Variants in UNC5C observed in about 807,000 individuals in gnomAD.
The protein encoded by UNC5C is unc-5 netrin receptor C.
Under a neutral mutation model 99.8 loss-of-function variants are expected in UNC5C, and 47 were observed. That is an observed-to-expected ratio of 0.47 (90% CI 0.37 to 0.60). The LOEUF is 0.60. Ranked by LOEUF, UNC5C falls within the 20% of genes least tolerant of loss-of-function variation. The probability of loss-of-function intolerance (pLI) is 0.00; values close to 1 mark genes in which losing one functional copy is unlikely to be tolerated. For synonymous variants in UNC5C, 487 were observed against 452.2 expected (o/e 1.08, Z -0.98); for missense variants, 1,062 against 1,165.9 (o/e 0.91, Z 1.30).
intron 11 of UNC5C, among the ~76,000 whole-genome samples, chr4:95,205,489 T>C (rs1737843037): frequency 6.6e-6 from 1 of 152,164 alleles, no homozygotes; most frequent in South Asian, 2.1e-4. Context: ...ATCCCAGGGA[T>C]ACTCTGGTAC....
chr4:95,250,345 A>G, intron 5 of UNC5C, 142 bp downstream of exon 5: 2 of 848,938 alleles, frequency 2.4e-6, no homozygotes, highest in Non-Finnish European at 1.8e-6. Context: ...CGGTCATGCC[A>G]TTGCACGCCA....
chr4:95,422,612 G>A lies in UNC5C; in HGVS notation c.125-86981C>T, dbSNP rs141058040. On this transcript the variant is annotated intron_variant, in intron 1 of 15. Transcript: ENST00000453304. ...TGACAATTCTGCAACAACATCCGTCGCCTCAACCTTCTTAACTGACTTGTT... is the reference window on the plus strand; with the variant it reads ...TGACAATTCTGCAACAACATCCGTCACCTCAACCTTCTTAACTGACTTGTT... 4.0e-3 allele frequency among the ~76,000 whole-genome samples: 609 copies of A among 152,100 alleles called. 2 individuals are homozygous for A. The highest frequency in any genetic ancestry group is 0.013 in the African/African-American group (560 of 41,506).
chr4:95,358,444 T>C (rs930936977), intron 1 of UNC5C, among the ~76,000 whole-genome samples: 2 of 152,318 alleles, frequency 1.3e-5, no homozygotes, highest in South Asian at 2.1e-4. Context: ...ATATACCCAA[T>C]ATACTGAAGA....
intron 1 of UNC5C, among the ~76,000 whole-genome samples, chr4:95,380,443 ATTTTT>A (rs10560399): frequency 7.5e-6 from 1 of 132,920 alleles, no homozygotes; most frequent in Non-Finnish European, 1.6e-5. Flanking sequence ...CTTAAGAAAC[ATTTTT>A]TTTTTTTTTT....
chr4:95,203,570 A>G (rs1470669958), intron 11 of UNC5C, among the ~76,000 whole-genome samples: 2 of 152,086 alleles, frequency 1.3e-5, no homozygotes, highest in Non-Finnish European at 2.9e-5. Context: ...CCTAGGCCCA[A>G]GTGATCCCCC....
intron 1 of UNC5C, among the ~76,000 whole-genome samples, chr4:95,406,463 G>A (rs915164672): frequency 2.0e-5 from 3 of 152,120 alleles, no homozygotes; most frequent in Non-Finnish European, 2.9e-5. Flanking sequence ...GATTCCATTA[G>A]GTCCATCCCT....
intron 2 of UNC5C, among the ~76,000 whole-genome samples, chr4:95,317,086 C>T (rs1204531250): frequency 2.0e-5 from 3 of 151,898 alleles, no homozygotes; most frequent in African/African-American, 7.3e-5. Flanking sequence ...CATAAAGCAG[C>T]AGTTGGGACT....
At chr4:95,312,226 A>T (rs1742303112) in intron 2 of UNC5C, among the ~76,000 whole-genome samples, 1 of 152,180 alleles carries the variant, frequency 6.6e-6, no homozygotes, top group Admixed American at 6.5e-5. Context: ...GGCCACACTG[A>T]TGAAATGCTT....
At chr4:95,304,471 TTCTTA>T in intron 2 of UNC5C, among the ~76,000 whole-genome samples, 1 of 152,252 alleles carries the variant, frequency 6.6e-6, no homozygotes, top group East Asian at 1.9e-4. Flanking sequence ...GCCTCTCATT[TTCTTA>T]TCTTATTGTA....
intron 1 of UNC5C, among the ~76,000 whole-genome samples, chr4:95,375,668 A>G (rs888181981): frequency 1.3e-5 from 2 of 152,220 alleles, no homozygotes; most frequent in African/African-American, 4.8e-5. Context: ...GGCGAAACGC[A>G]ATATTCTTTA....
intron 9 of UNC5C, among the ~76,000 whole-genome samples, chr4:95,217,893 C>T (rs1738322040): frequency 1.3e-5 from 2 of 152,070 alleles, no homozygotes; most frequent in African/African-American, 4.8e-5. Context: ...GGGTGGAAAA[C>T]ATTATATAAT....
At chr4:95,354,479 A>ATATATATATATATATATATATC in intron 1 of UNC5C, among the ~76,000 whole-genome samples, 1 of 110,352 alleles carries the variant, frequency 9.1e-6, no homozygotes, top group Non-Finnish European at 1.8e-5. Context: ...ATATATATAT[A>ATATATATATATATATATATATC]TTTTTTTTTT....
intron 1 of UNC5C, among the ~76,000 whole-genome samples, chr4:95,519,459 C>A (rs1217336483): frequency 2.0e-5 from 3 of 152,014 alleles, no homozygotes; most frequent in African/African-American, 7.2e-5. Flanking sequence ...TTATTTATGA[C>A]CAACGGCCCA....
At chr4:95,197,205 G>A (rs956007922) in intron 12 of UNC5C, among the ~76,000 whole-genome samples, 1 of 149,140 alleles carries the variant, frequency 6.7e-6, no homozygotes, top group Admixed American at 6.8e-5. Flanking sequence ...AATAAAAAGT[G>A]ATAATTCACA....
At chr4:95,518,490 TTAAA>T in intron 1 of UNC5C, among the ~76,000 whole-genome samples, 1 of 152,324 alleles carries the variant, frequency 6.6e-6, no homozygotes, top group South Asian at 2.1e-4. Context: ...TAAATTGACT[TTAAA>T]TATGCATATT....
At chr4:95,527,537 G>A (rs1429572729) in intron 1 of UNC5C, among the ~76,000 whole-genome samples, 2 of 151,854 alleles carry the variant, frequency 1.3e-5, no homozygotes, top group South Asian at 2.1e-4. Context: ...TGGTCTTTAT[G>A]TTGCTATCAT....
At chr4:95,538,073 T>G (rs1722825683) in intron 1 of UNC5C, among the ~76,000 whole-genome samples, 1 of 152,220 alleles carries the variant, frequency 6.6e-6, no homozygotes, top group Admixed American at 6.5e-5. Flanking sequence ...CTTCTTGTTA[T>G]ATAGACTGTT....
At position 95,278,332 on chromosome 4, in the gene UNC5C, A is replaced by G. The variant is rs1390231155; in HGVS notation, c.521T>C (p.Leu174Pro). 1.2e-6 allele frequency: 2 copies of G among 1,613,988 alleles called. No individual in the cohort carries two copies. Among genetic ancestry groups the G allele is most frequent in the African/African-American group, 2.7e-5 (2 of 74,922 alleles). ...CTGTTCCAAAGACACTTCCTTTCCT[A>G]GGGGTTCCTGCTCAAATGTCTTCCG... ...YLRKTFEQEP[L>P]GKEVSLEQEV... is the part of the protein sequence containing the mutation. Residue 174 changes from leucine (L) to proline (P), a missense_variant, in exon 4 of 16, where the codon CTA becomes CCA. Transcript: ENST00000453304.
intron 1 of UNC5C, among the ~76,000 whole-genome samples, chr4:95,379,783 ACTT>A (rs1745008123): frequency 1.3e-5 from 2 of 152,258 alleles, no homozygotes; most frequent in Admixed American, 1.3e-4. Context: ...ACGGCTTGGT[ACTT>A]CTTAGGCGCG....
Sources: allele counts gnomAD v4.1 joint callset (sites outside exome capture counted in the v4.1 genomes callset), GRCh38; gene constraint gnomAD v4.1.1; transcripts MANE v1.5; gene names NCBI Gene and HGNC (gene_info 2026-07-23, HGNC 2026-07-21).